Variants in ISM1 observed in about 807,000 individuals in gnomAD.
ISM1 encodes the protein isthmin-1.
A neutral mutation model predicts 46.3 loss-of-function variants in ISM1; 25 were observed. That is an observed-to-expected ratio of 0.54 (90% CI 0.39 to 0.75). ISM1 has a LOEUF of 0.75. Ranked by LOEUF, ISM1 falls within the 30% of genes least tolerant of loss-of-function variation. ISM1 has a pLI of 0.00. For missense variants in ISM1, 536 were observed against 625.4 expected, an observed-to-expected ratio of 0.86 and a Z score of 1.52; for synonymous variants, 255 against 256.7, an observed-to-expected ratio of 0.99 and a Z score of 0.06.
chr20:13,292,901 T>G (rs2040367973), intron 5 of ISM1, among the ~76,000 whole-genome samples: 1 of 151,890 alleles, frequency 6.6e-6, no homozygotes, highest in Admixed American at 6.6e-5. Flanking sequence ...CCTGCAAAAA[T>G]TTTTTATACA....
intron 4 of ISM1, among the ~76,000 whole-genome samples, chr20:13,289,679 G>T (rs567100953): frequency 6.6e-6 from 1 of 151,720 alleles, no homozygotes; most frequent in Admixed American, 6.6e-5. Context: ...AGGAGGGGGA[G>T]GAGGAGGAAG....
intron 1 of ISM1, among the ~76,000 whole-genome samples, chr20:13,268,134 CTCT>C (rs2040064990): frequency 2.0e-5 from 3 of 150,236 alleles, no homozygotes; most frequent in African/African-American, 7.4e-5. Context: ...CTCTTCTCTT[CTCT>C]TCTCTTCTCT....
chr20:13,274,262 T>A (rs2040149482), intron 2 of ISM1, among the ~76,000 whole-genome samples: 1 of 152,080 alleles, frequency 6.6e-6, no homozygotes, highest in African/African-American at 2.4e-5. Context: ...AGAGCACTGT[T>A]CTTTTGTTGA....
chr20:13,272,346 C>T (rs2040125147), intron 2 of ISM1, among the ~76,000 whole-genome samples: 1 of 152,204 alleles, frequency 6.6e-6, no homozygotes, highest in African/African-American at 2.4e-5. Flanking sequence ...ACTGAGAACA[C>T]TTGGAATACC....
intron 1 of ISM1, among the ~76,000 whole-genome samples, chr20:13,225,920 C>G (rs1279296155): frequency 6.6e-6 from 1 of 151,982 alleles, no homozygotes; most frequent in Non-Finnish European, 1.5e-5. Flanking sequence ...ATCTGGAAGA[C>G]AAAATATAGA....
intron 1 of ISM1, among the ~76,000 whole-genome samples, chr20:13,255,390 G>T (rs891020008): frequency 6.6e-6 from 1 of 152,200 alleles, no homozygotes; most frequent in African/African-American, 2.4e-5. Context: ...TTATTTGTGT[G>T]TGTGTTTTTA....
intron 1 of ISM1, chr20:13,239,754 C>T (rs2039696449): frequency 6.6e-6 from 1 of 152,162 alleles, no homozygotes. Context: ...AAAGCCAAGC[C>T]CCAATGTCTC....
chr20:13,261,536 A>T (rs1019193474), intron 1 of ISM1, among the ~76,000 whole-genome samples: 2 of 152,180 alleles, frequency 1.3e-5, no homozygotes, highest in African/African-American at 4.8e-5. Context: ...CCAGTCTACC[A>T]TAAGTGCAGA....
At chr20:13,279,607 G>A (rs1049749283) in intron 2 of ISM1, 27 bp from the exon 3 acceptor site, 1 of 1,598,794 alleles carries the variant, frequency 6.3e-7, no homozygotes, top group African/African-American at 1.3e-5. Flanking sequence ...ACTCCACACT[G>A]ACCCCAGCCT....
chr20:13,273,715 A>G (rs2040141531), intron 2 of ISM1, among the ~76,000 whole-genome samples: 2 of 152,250 alleles, frequency 1.3e-5, no homozygotes, highest in Admixed American at 1.3e-4. Context: ...CAAATGGATT[A>G]AAAATTAATG....
downstream of ISM1, among the ~76,000 whole-genome samples, chr20:13,305,324 G>A (rs2040491659): frequency 6.6e-6 from 1 of 151,810 alleles, no homozygotes; most frequent in African/African-American, 2.4e-5. Flanking sequence ...TTTCCTTGCT[G>A]ACTACAGACC....
chr20:13,258,482 T>G (rs985683178), intron 1 of ISM1, among the ~76,000 whole-genome samples: 2 of 152,142 alleles, frequency 1.3e-5, no homozygotes, highest in Admixed American at 1.3e-4. Context: ...AGTTACCCAC[T>G]TGGAGGGTGC....
rs986990968 is a variant in ISM1 at position 13,221,497 on chromosome 20, G to A, written c.-280G>A. On this transcript the variant is annotated 5_prime_UTR_variant, in exon 1 of 6. Transcript: ENST00000262487. ...CGCCGCCGCCGCCAGGCAGCGCCGGGGCTTGCTCCGCAGCCGGCTTGGACA... is the reference window on the plus strand; with the variant it reads ...CGCCGCCGCCGCCAGGCAGCGCCGGAGCTTGCTCCGCAGCCGGCTTGGACA... Among the ~76,000 whole-genome samples, 1 of 144,008 alleles carries A rather than the reference G, an allele frequency of 6.9e-6. No homozygotes were observed. The highest frequency in any genetic ancestry group is 2.5e-5 in the African/African-American group (1 of 40,080). The allele number at this position is 144,008 out of a possible 152,430, so 94.5% of individuals were successfully genotyped here. A position where few individuals can be genotyped will look rare whatever the true frequency, so the allele number is the denominator to read the frequency against.
intron 2 of ISM1, 29 bp from the exon 3 acceptor site, chr20:13,279,605 C>T (rs911642): frequency 0.38 from 605,215 of 1,590,546 alleles, 119,863 homozygotes; most frequent in African/African-American, 0.65. Context: ...TGACTCCACA[C>T]TGACCCCAGC....
chr20:13,243,850 A>G (rs2039760829), intron 1 of ISM1, among the ~76,000 whole-genome samples: 1 of 152,216 alleles, frequency 6.6e-6, no homozygotes, highest in Non-Finnish European at 1.5e-5. Flanking sequence ...GGTTCAGAGT[A>G]TTTCTGCAGT....
intron 1 of ISM1, chr20:13,244,297 G>A (rs1465386768): frequency 6.8e-6 from 1 of 146,432 alleles, no homozygotes; most frequent in Admixed American, 6.8e-5. Flanking sequence ...TGGGCAGAGG[G>A]GACTCTCTCG....
intron 1 of ISM1, among the ~76,000 whole-genome samples, chr20:13,239,890 C>T (rs2039698251): frequency 6.6e-6 from 1 of 152,192 alleles, no homozygotes; most frequent in Admixed American, 6.5e-5. Context: ...CCACACAATC[C>T]CCCATTTCTG....
chr20:13,283,068 T>G (rs986399534), intron 3 of ISM1, among the ~76,000 whole-genome samples: 13 of 152,008 alleles, frequency 8.6e-5, no homozygotes, highest in African/African-American at 2.9e-4. Context: ...AGACATGGAG[T>G]CTTGCCCTGT....
the ISM1 span, among the ~76,000 whole-genome samples, chr20:13,317,554 A>C: frequency 6.6e-6 from 1 of 152,116 alleles, no homozygotes; most frequent in Non-Finnish European, 1.5e-5. Flanking sequence ...ATATAAAGCT[A>C]CAGTAATCAA....
Sources: gnomAD v4.1 joint callset for allele counts (sites outside exome capture counted in the v4.1 genomes callset) on GRCh38, gnomAD v4.1.1 for gene constraint, MANE v1.5 for transcripts, NCBI Gene and HGNC (gene_info 2026-07-23, HGNC 2026-07-21) for gene names.